Variants in TCF20 observed in about 807,000 individuals in gnomAD.
TCF20 encodes transcription factor 20.
TCF20 carries 3 observed loss-of-function variants against 148.6 expected under a neutral mutation model. The observed-to-expected ratio is 0.02, with a 90% CI of 0.01 to 0.05. The LOEUF (loss-of-function observed/expected upper bound fraction) is 0.05. Ranked by LOEUF, TCF20 falls within the 10% of genes least tolerant of loss-of-function variation. The probability of loss-of-function intolerance (pLI) is 1.00; values close to 1 mark genes in which losing one functional copy is unlikely to be tolerated. For synonymous variants in TCF20, 1,049 were observed against 909.5 expected (o/e 1.15, Z -2.76); for missense variants, 2,350 against 2,429.3 (o/e 0.97, Z 0.69).
intron 2 of TCF20, among the ~76,000 whole-genome samples, chr22:42,187,613 A>G (rs1245754986): frequency 6.6e-6 from 1 of 152,228 alleles, no homozygotes; most frequent in East Asian, 1.9e-4. Flanking sequence ...ATCCACAAAG[A>G]AAGCCCGTTC....
Position 42,214,029 on chromosome 22 carries a change from G to C in TCF20, c.1277C>G (p.Pro426Arg). 6.2e-7 allele frequency: 1 copy of C among 1,614,148 alleles called. No homozygotes were observed. Among genetic ancestry groups the C allele is most frequent in the South Asian group, 1.1e-5 (1 of 91,086 alleles). Reference protein sequence around the residue: ...PQLSPTPSMMPSPNSHAAGFK... With the variant: ...PQLSPTPSMMRSPNSHAAGFK... ...GCCTGCAGCATGAGAATTAGGACTG[G>C]GCATCATTGATGGGGTTGGACTGAG... The change falls in exon 2 of 6, where the codon CCC becomes CGC. Residue 426 changes from proline (P) to arginine (R), a missense_variant. Pro to Arg is a moderately radical substitution (Grantham distance 103). Around this residue, in one of 7 missense-constraint regions of TCF20, gnomAD observed 1,641 missense variants for 1,662.6 expected, o/e 0.99. Transcript: ENST00000677622.
rs1211438428 is a variant in TCF20, at chr22:42,229,077, ACT to A, written c.-36-13738_-36-13737del. Among the ~76,000 whole-genome samples the A allele has an allele frequency of 3.9e-5, 6 of 152,144 alleles. No individual in the cohort carries two copies. In the East Asian group the frequency reaches 7.7e-4, roughly 20 times the overall value. ...CTTGGAGTGACTGATCCCTGCAATC[ACT>A]CTATCATTTAGAAGGTGGAGAAGAG... On this transcript the variant is annotated intron_variant, in intron 1 of 5. Coordinates refer to ENST00000677622, the MANE Select transcript of TCF20 (RefSeq NM_001378418.1).
chr22:42,215,986 G>A (rs1921733610), intron 1 of TCF20, among the ~76,000 whole-genome samples: 1 of 151,182 alleles, frequency 6.6e-6, no homozygotes. Context: ...TAAAATATGG[G>A]GCTGTGTTAT....
At chr22:42,335,499 C>G (rs1390598518) in intron 1 of TCF20, among the ~76,000 whole-genome samples, 3 of 152,238 alleles carry the variant, frequency 2.0e-5, no homozygotes, top group Non-Finnish European at 4.4e-5. Flanking sequence ...AGTACCACAT[C>G]TGGTGCATAG....
intron 1 of TCF20, among the ~76,000 whole-genome samples, chr22:42,332,834 C>T (rs558841499): frequency 8.5e-5 from 13 of 152,318 alleles, no homozygotes; most frequent in South Asian, 4.1e-4. Flanking sequence ...CCATGCTGTG[C>T]GGCTCTGTTT....
chr22:42,201,473 A>G (rs1350255861), intron 2 of TCF20, among the ~76,000 whole-genome samples: 1 of 152,192 alleles, frequency 6.6e-6, no homozygotes, highest in Non-Finnish European at 1.5e-5. Flanking sequence ...GTTTACTTAA[A>G]AAAACAACTT....
chr22:42,292,132 C>T lies in TCF20; in HGVS notation c.-37+51347G>A, dbSNP rs1384001766. Among the ~76,000 whole-genome samples, 1 of 152,182 alleles carries T rather than the reference C, an allele frequency of 6.6e-6. No individual in the cohort carries two copies. The highest frequency in any genetic ancestry group is 1.5e-5 in the Non-Finnish European group (1 of 68,026). ...CCATTTCTTAGATAAAGAAACTTAG[C>T]ACAGCACCCATAGGCCCTCCTGTCA... On this transcript the variant is annotated intron_variant, in intron 1 of 1. Coordinates refer to the TCF20 transcript ENST00000515426. The surrounding 1 kb of genome is among the most constrained non-coding windows in gnomAD (Gnocchi z 4.9).
chr22:42,319,371 C>T (rs1371968421), intron 1 of TCF20, among the ~76,000 whole-genome samples: 2 of 152,184 alleles, frequency 1.3e-5, no homozygotes, highest in African/African-American at 4.8e-5. Context: ...GCAACCCCGG[C>T]TCCACTCCTG....
chr22:42,265,739 TC>T (rs1402603713), intron 1 of TCF20, among the ~76,000 whole-genome samples: 1 of 152,176 alleles, frequency 6.6e-6, no homozygotes, highest in African/African-American at 2.4e-5. Flanking sequence ...GGTAAATATA[TC>T]TTTTGAGTCC....
At chr22:42,244,598 CAG>C (rs1354458804) in intron 1 of TCF20, among the ~76,000 whole-genome samples, 1 of 152,098 alleles carries the variant, frequency 6.6e-6, no homozygotes, top group Admixed American at 6.5e-5. Context: ...AATCTAAAAA[CAG>C]AAAGCAGATC....
intron 5 of TCF20, among the ~76,000 whole-genome samples, chr22:42,166,383 A>G (rs1935788557): frequency 6.6e-6 from 1 of 152,214 alleles, no homozygotes; most frequent in South Asian, 2.1e-4. Context: ...CAAGGCGGGA[A>G]GATCACTTGA....
At position 42,210,856 on chromosome 22, in the gene TCF20, C is replaced by G; in HGVS notation, c.4450G>C (p.Gly1484Arg). Reference sequence around the variant, plus strand: ...GGAAAGATTAAAGGTGCTGTTCCACCCAGGGAACCATCTGGTCTCCCTTGG... The same window carrying G: ...GGAAAGATTAAAGGTGCTGTTCCACGCAGGGAACCATCTGGTCTCCCTTGG... ...SNQGRPDGSL[G>R]GTAPLIFPDS... is the part of the protein sequence containing the mutation. Residue 1484 changes from glycine (G) to arginine (R), a missense_variant, in exon 2 of 6, where the codon GGT becomes CGT. Transcript: ENST00000677622. This position sits in a 1 kb window ranked among gnomAD's most constrained non-coding sequence, Gnocchi z 4.7. 1.2e-6 allele frequency: 2 copies of G among 1,614,178 alleles called. No homozygotes were observed. Among genetic ancestry groups the G allele is most frequent in the Non-Finnish European group, 1.7e-6 (2 of 1,180,042 alleles).
At chr22:42,307,922 C>G (rs1050847458) in intron 1 of TCF20, among the ~76,000 whole-genome samples, 3 of 152,214 alleles carry the variant, frequency 2.0e-5, no homozygotes, top group African/African-American at 7.2e-5. Context: ...CGAGGCACTG[C>G]TATCTCCCAG....
intron 1 of TCF20, among the ~76,000 whole-genome samples, chr22:42,225,236 T>A (rs1443684155): frequency 1.3e-5 from 2 of 152,036 alleles, no homozygotes; most frequent in African/African-American, 4.8e-5. Context: ...CCTCAAGTGA[T>A]CCACCTGTCT....
In TCF20 at chr22:42,214,865, G is replaced by C; in HGVS notation, c.441C>G (p.Gly147=). Residue 147 remains glycine (G), a synonymous_variant, in exon 2 of 6, where the codon GGC becomes GGG. Coordinates refer to ENST00000677622, the MANE Select transcript of TCF20 (RefSeq NM_001378418.1). The part of the protein sequence containing the change: ...GQFQAQHSGL[G]GVSHYQQDYT... The stretch of plus-strand genomic sequence containing the variant: ...AATCCTGCTGATAATGTGACACACC[G>C]CCAAGGCCAGAGTGCTGTGCTTGAA... The C allele has an allele frequency of 1.9e-6, 3 of 1,614,140 alleles. No homozygotes were observed. Among genetic ancestry groups the C allele is most frequent in the Non-Finnish European group, 2.5e-6 (3 of 1,180,034 alleles).
intron 2 of TCF20, among the ~76,000 whole-genome samples, chr22:42,181,457 G>A (rs1394610088): frequency 2.0e-5 from 3 of 152,186 alleles, no homozygotes; most frequent in East Asian, 1.9e-4. Flanking sequence ...TACTCAAGAG[G>A]CCCGAAGATA....
chr22:42,268,387 G>T (rs1046663599), intron 1 of TCF20, among the ~76,000 whole-genome samples: 3 of 152,134 alleles, frequency 2.0e-5, no homozygotes, highest in Non-Finnish European at 4.4e-5. Context: ...CAGCATCTGC[G>T]GAGCACTGGC....
intron 1 of TCF20, among the ~76,000 whole-genome samples, chr22:42,218,927 T>C (rs1438210559): frequency 1.3e-5 from 2 of 151,918 alleles, no homozygotes; most frequent in African/African-American, 4.8e-5. Flanking sequence ...GCCAAATACC[T>C]CCTGCAGGGT....
intron 1 of TCF20, among the ~76,000 whole-genome samples, chr22:42,218,346 G>A (rs1922013058): frequency 6.6e-6 from 1 of 152,134 alleles, no homozygotes; most frequent in Non-Finnish European, 1.5e-5. Context: ...TCCCTTCACT[G>A]CCACCCTCTT....
Sources: gnomAD v4.1 joint callset for allele counts (sites outside exome capture counted in the v4.1 genomes callset) on GRCh38, gnomAD v4.1.1 for gene constraint, gnomAD v4.1.1 regional missense constraint, Gnocchi (gnomAD v3.1) non-coding constraint, MANE v1.5 for transcripts, NCBI Gene and HGNC (gene_info 2026-07-23, HGNC 2026-07-21) for gene names.